Variants in PRKD1 observed in about 807,000 individuals in gnomAD.
PRKD1 encodes the protein protein kinase D1.
PRKD1 carries 63 observed loss-of-function variants against 95.9 expected under a neutral mutation model. The ratio of observed to expected loss-of-function variants is 0.66; its 90% CI spans 0.54 to 0.81. The LOEUF is 0.81. PRKD1 is among the 30% of genes least tolerant of loss of function. PRKD1 has a pLI of 0.00. For synonymous variants in PRKD1, 425 were observed against 423.1 expected (o/e 1.00, Z -0.05); for missense variants, 1,048 against 1,165.3 (o/e 0.90, Z 1.47).
intron 1 of PRKD1, among the ~76,000 whole-genome samples, chr14:29,802,698 T>C (rs372269965): frequency 3.3e-5 from 5 of 152,218 alleles, no homozygotes; most frequent in Admixed American, 3.3e-4. Context: ...GAAAAGAATC[T>C]TATCAGGTGA....
chr14:29,630,022 GCTT>G (rs76452257), intron 10 of PRKD1, among the ~76,000 whole-genome samples: 24 of 140,318 alleles, frequency 1.7e-4, no homozygotes, highest in African/African-American at 4.8e-4. Context: ...TTCTTCTTCT[GCTT>G]CTTCTTCTTC....
At chr14:29,908,140 CAAA>C (rs200786245) in intron 1 of PRKD1, among the ~76,000 whole-genome samples, 1 of 65,224 alleles carries the variant, frequency 1.5e-5, no homozygotes, top group Admixed American at 1.8e-4. Context: ...AAAGACAAAG[CAAA>C]AAAAAAAAAA....
At chr14:29,788,409 A>T (rs762318160) in intron 1 of PRKD1, among the ~76,000 whole-genome samples, 1 of 152,120 alleles carries the variant, frequency 6.6e-6, no homozygotes. Context: ...ACCTTTTGGA[A>T]TTGAATCAGT....
At chr14:29,865,727 G>A (rs557383204) in intron 1 of PRKD1, among the ~76,000 whole-genome samples, 2 of 152,268 alleles carry the variant, frequency 1.3e-5, no homozygotes, top group Non-Finnish European at 2.9e-5. Flanking sequence ...TGTTACAGCA[G>A]CATAAAAGGA....
chr14:29,694,270 T>C (rs767050505), intron 2 of PRKD1, among the ~76,000 whole-genome samples: 1 of 152,226 alleles, frequency 6.6e-6, no homozygotes, highest in Non-Finnish European at 1.5e-5. Flanking sequence ...ATTTTCTAGG[T>C]AGACATATCA....
chr14:29,676,196 T>G (rs77246162), intron 2 of PRKD1, among the ~76,000 whole-genome samples: 1 of 136,026 alleles, frequency 7.4e-6, no homozygotes. Context: ...TTTTTTTTTT[T>G]TTTTTTTGCT....
chr14:29,630,075 C>T (rs1458313222), intron 10 of PRKD1, among the ~76,000 whole-genome samples: 3 of 147,520 alleles, frequency 2.0e-5, no homozygotes, highest in Non-Finnish European at 3.0e-5. Context: ...CTTCCTCTTC[C>T]TCTTCATGTC....
At chr14:29,830,542 A>T (rs976187491) in intron 1 of PRKD1, among the ~76,000 whole-genome samples, 1 of 152,166 alleles carries the variant, frequency 6.6e-6, no homozygotes, top group Non-Finnish European at 1.5e-5. Flanking sequence ...TAACCATAAC[A>T]ATCAGCAGAC....
intron 1 of PRKD1, among the ~76,000 whole-genome samples, chr14:29,795,665 A>C (rs748392681): frequency 6.6e-6 from 1 of 152,174 alleles, no homozygotes; most frequent in Admixed American, 6.5e-5. Context: ...ACTAAGAAAT[A>C]ATGATAAATA....
intron 1 of PRKD1, among the ~76,000 whole-genome samples, chr14:29,770,957 GAA>G (rs1320516963): frequency 7.4e-6 from 1 of 135,130 alleles, no homozygotes; most frequent in East Asian, 2.1e-4. Context: ...AAAAAGGAAA[GAA>G]AGAAAGAAAG....
intron 1 of PRKD1, among the ~76,000 whole-genome samples, chr14:29,858,600 T>A (rs1042715663): frequency 6.6e-6 from 1 of 152,168 alleles, no homozygotes; most frequent in Non-Finnish European, 1.5e-5. Context: ...GTCATGATAC[T>A]GGTTACTGTC....
intron 12 of PRKD1, among the ~76,000 whole-genome samples, chr14:29,624,835 C>T (rs1287559686): frequency 6.6e-6 from 1 of 152,148 alleles, no homozygotes; most frequent in Non-Finnish European, 1.5e-5. Context: ...TCATCATCAT[C>T]ACCATATAAT....
In PRKD1 at chr14:29,848,363, C is replaced by A. The variant is rs571161496; in HGVS notation, c.264+78886G>T. The stretch of plus-strand genomic sequence containing the variant: ...AGAATTAAAGGGCCAGTACTCTTCC[C>A]ACTCCACCCACACACACACACTTTA... On this transcript the variant is annotated intron_variant, in intron 1 of 17. Coordinates refer to ENST00000331968, the MANE Select transcript of PRKD1 (RefSeq NM_002742.3). Among the ~76,000 whole-genome samples the A allele has an allele frequency of 3.3e-5, 5 of 152,128 alleles. 1 individual carries two copies. The South Asian group carries it at 1.0e-3, about 32-fold the overall frequency.
intron 2 of PRKD1, among the ~76,000 whole-genome samples, chr14:29,706,855 T>A (rs995955109): frequency 6.6e-6 from 1 of 151,954 alleles, no homozygotes; most frequent in African/African-American, 2.4e-5. Flanking sequence ...CACCCAAATG[T>A]GGTATTTCAG....
rs189992784 is a variant in PRKD1 at position 29,857,373 on chromosome 14, A to C, written c.264+69876T>G. Among the ~76,000 whole-genome samples, 21 of 152,276 alleles carry C rather than the reference A, an allele frequency of 1.4e-4. No homozygotes were observed. In the East Asian group the frequency reaches 3.9e-3, roughly 28 times the overall value. On this transcript the variant is annotated intron_variant, in intron 1 of 17. Coordinates refer to ENST00000331968, the MANE Select transcript of PRKD1 (RefSeq NM_002742.3). ...AGAAAACAACAACAACAAAAAAGAA[A>C]CACCAGTTTTTTCATGGAAGGAAGA...
At chr14:29,706,374 C>T (rs1352509862) in intron 2 of PRKD1, among the ~76,000 whole-genome samples, 1 of 151,918 alleles carries the variant, frequency 6.6e-6, no homozygotes, top group East Asian at 1.9e-4. Context: ...GAGTGTTTTC[C>T]AGGAAATCTT....
chr14:29,825,826 A>C (rs1891086494), intron 1 of PRKD1, among the ~76,000 whole-genome samples: 1 of 151,966 alleles, frequency 6.6e-6, no homozygotes, highest in African/African-American at 2.4e-5. Flanking sequence ...CTCCTCCACT[A>C]TACAGGCAGG....
intron 1 of PRKD1, among the ~76,000 whole-genome samples, chr14:29,801,021 C>G (rs886658682): frequency 9.9e-5 from 15 of 151,978 alleles, no homozygotes; most frequent in Admixed American, 3.9e-4. Context: ...CTGTCAGAAC[C>G]TGTATCAGCC....
intron 1 of PRKD1, among the ~76,000 whole-genome samples, chr14:29,806,974 G>A (rs1890262620): frequency 6.6e-6 from 1 of 152,026 alleles, no homozygotes; most frequent in South Asian, 2.1e-4. Flanking sequence ...TAAAAGCTAT[G>A]CTTACACTAC....
Sources: allele counts gnomAD v4.1 joint callset (sites outside exome capture counted in the v4.1 genomes callset), GRCh38; gene constraint gnomAD v4.1.1; transcripts MANE v1.5; gene names NCBI Gene and HGNC (gene_info 2026-07-23, HGNC 2026-07-21).